The following NRXN1 variants were observed in gnomAD, a reference collection of about 807,000 sequenced individuals.
The protein encoded by NRXN1 is neurexin-1.
In NRXN1, 39 loss-of-function variants were observed where a neutral mutation model predicts 150.9. The ratio of observed to expected loss-of-function variants is 0.26; its 90% CI spans 0.20 to 0.34. NRXN1 has a LOEUF of 0.34. Ranked by LOEUF, NRXN1 falls within the 10% of genes least tolerant of loss-of-function variation. The pLI, the probability that NRXN1 is intolerant of heterozygous loss-of-function variation, is 1.00. For missense variants in NRXN1, 1,815 were observed against 1,949.9 expected, an observed-to-expected ratio of 0.93 and a Z score of 1.30; for synonymous variants, 924 against 757.0, an observed-to-expected ratio of 1.22 and a Z score of -3.62.
At chr2:49,982,131 G>A (rs960845031) in intron 21 of NRXN1, among the ~76,000 whole-genome samples, 8 of 152,136 alleles carry the variant, frequency 5.3e-5, no homozygotes, top group Admixed American at 5.2e-4. Context: ...GACATGCCGG[G>A]TCATCCAATT....
chr2:50,477,536 G>C (rs1398812616), intron 15 of NRXN1, among the ~76,000 whole-genome samples: 1 of 152,124 alleles, frequency 6.6e-6, no homozygotes, highest in African/African-American at 2.4e-5. Flanking sequence ...GGAAGCATAA[G>C]GCAATTAGAG....
chr2:50,662,826 G>A (rs1461026209), intron 5 of NRXN1, among the ~76,000 whole-genome samples: 1 of 151,958 alleles, frequency 6.6e-6, no homozygotes. Context: ...GGAATAAGAT[G>A]AGGACACTAG....
intron 5 of NRXN1, among the ~76,000 whole-genome samples, chr2:50,652,433 T>C (rs1188129446): frequency 1.3e-5 from 2 of 152,080 alleles, no homozygotes; most frequent in African/African-American, 2.4e-5. Flanking sequence ...ACTAATCTTT[T>C]TGTCTGTATA....
Position 50,409,015 on chromosome 2 carries a change from G to C in NRXN1, c.3364+56427C>G, listed in dbSNP as rs143937576. Among the ~76,000 whole-genome samples the C allele has an allele frequency of 1.9e-3, 282 of 152,258 alleles. 2 individuals carry two copies. The highest frequency in any genetic ancestry group is 6.4e-3 in the African/African-American group (268 of 41,556). Reference sequence around the variant, plus strand: ...TGGTAACTTTTTGGAGTGGCATTCTGGTTGATCCTTTTTCAAGGGGAGGGG... The same window carrying C: ...TGGTAACTTTTTGGAGTGGCATTCTCGTTGATCCTTTTTCAAGGGGAGGGG... On this transcript the variant is annotated intron_variant, in intron 17 of 22. Transcript: ENST00000401669.
chr2:50,725,029 C>T (rs537627068), intron 5 of NRXN1, among the ~76,000 whole-genome samples: 1 of 152,166 alleles, frequency 6.6e-6, no homozygotes, highest in South Asian at 2.1e-4. Context: ...AGCTTGCTTC[C>T]TGATTATCAG....
chr2:49,943,590 C>T (rs974742281), intron 22 of NRXN1, 114 bp downstream of exon 22: 32 of 727,856 alleles, frequency 4.4e-5, no homozygotes, highest in African/African-American at 3.7e-4. Context: ...TCACAATCAA[C>T]GATGGTATAG....
intron 18 of NRXN1, among the ~76,000 whole-genome samples, chr2:50,188,751 C>A (rs1175266410): frequency 1.3e-5 from 2 of 151,882 alleles, no homozygotes; most frequent in African/African-American, 2.4e-5. Context: ...ATGTGGCCAA[C>A]AAACATATTT....
chr2:50,400,397 G>A (rs1327585220), intron 17 of NRXN1, among the ~76,000 whole-genome samples: 1 of 151,952 alleles, frequency 6.6e-6, no homozygotes, highest in Admixed American at 6.6e-5. Flanking sequence ...AGTGCTATTG[G>A]GGGGTAGGGG....
At chr2:50,415,052 T>A (rs556088895) in intron 17 of NRXN1, among the ~76,000 whole-genome samples, 1 of 152,234 alleles carries the variant, frequency 6.6e-6, no homozygotes, top group Admixed American at 6.5e-5. Flanking sequence ...ACATTAAACA[T>A]AGTTCTACAT....
At chr2:50,825,434 G>C (rs542657393) in intron 5 of NRXN1, among the ~76,000 whole-genome samples, 1 of 152,264 alleles carries the variant, frequency 6.6e-6, no homozygotes, top group South Asian at 2.1e-4. Flanking sequence ...GGTGAGAAAG[G>C]CTGAAAGCTA....
chr2:50,135,303 G>C (rs1287535841), intron 18 of NRXN1, among the ~76,000 whole-genome samples: 2 of 152,154 alleles, frequency 1.3e-5, no homozygotes, highest in Non-Finnish European at 2.9e-5. Flanking sequence ...ACAGTAAAAA[G>C]GTGGAGGAGA....
At chr2:50,564,555 T>C (rs1249166073) in intron 8 of NRXN1, among the ~76,000 whole-genome samples, 1 of 152,196 alleles carries the variant, frequency 6.6e-6, no homozygotes, top group African/African-American at 2.4e-5. Flanking sequence ...GGCATATAAA[T>C]GACAGAATGA....
In NRXN1 at chr2:50,424,229, A is replaced by G. The variant is rs2084276214; in HGVS notation, c.3364+41213T>C. Among the ~76,000 whole-genome samples the G allele has an allele frequency of 2.8e-5, 3 of 107,428 alleles. No homozygotes were observed. In the South Asian group the frequency reaches 1.3e-3, roughly 46 times the overall value. The allele number at this position is 107,428 out of a possible 152,430, so 70.5% of individuals were successfully genotyped here. A position where few individuals can be genotyped will look rare whatever the true frequency, so the allele number is the denominator to read the frequency against. On this transcript the variant is annotated intron_variant, in intron 17 of 22. Coordinates refer to ENST00000401669, the MANE Select transcript of NRXN1 (RefSeq NM_001330078.2). ...GAAGAGGAGGAGAAGGAGAAGAAGA[A>G]GAAGAAGAGGAGGAGGAAGAAAGTG... is the stretch of plus-strand genomic sequence containing the variant.
At chr2:50,352,911 T>A (rs1027995991) in intron 17 of NRXN1, among the ~76,000 whole-genome samples, 1 of 151,936 alleles carries the variant, frequency 6.6e-6, no homozygotes, top group African/African-American at 2.4e-5. Flanking sequence ...AGTGTTTATT[T>A]ATCTTGAGGA....
At chr2:50,974,183 T>G (rs1399371968) in intron 2 of NRXN1, among the ~76,000 whole-genome samples, 2 of 152,128 alleles carry the variant, frequency 1.3e-5, no homozygotes, top group African/African-American at 4.8e-5. Context: ...GTGAATACAG[T>G]TTTACTATTT....
chr2:50,522,720 ATTTT>A (rs869200431), intron 12 of NRXN1, among the ~76,000 whole-genome samples: 2 of 47,722 alleles, frequency 4.2e-5, no homozygotes, highest in Non-Finnish European at 5.3e-5. Context: ...ATTTTTATTC[ATTTT>A]TTTTTTTTTT....
rs1254451543 is a variant in NRXN1 at position 50,802,500 on chromosome 2, T to TGAAAGGAAGGAAGGAAGGAAGGAAGGAA, written c.832+119368_832+119369insTTCCTTCCTTCCTTCCTTCCTTCCTTTC. On this transcript the variant is annotated intron_variant, in intron 5 of 22. Coordinates refer to ENST00000401669, the MANE Select transcript of NRXN1 (RefSeq NM_001330078.2). ...AGAGTGAATCTCTGAGAAAGAGAAA[T>TGAAAGGAAGGAAGGAAGGAAGGAAGGAA]GGAAGGAAGGAAGGAAGGAAGGAAG... Among the ~76,000 whole-genome samples, 9 of 88,330 alleles carry TGAAAGGAAGGAAGGAAGGAAGGAAGGAA rather than the reference T, an allele frequency of 1.0e-4. 2 individuals are homozygous for TGAAAGGAAGGAAGGAAGGAAGGAAGGAA. The highest frequency in any genetic ancestry group is 4.4e-4 in the South Asian group (1 of 2,252). The allele number at this position is 88,330 out of a possible 152,430, so 57.9% of individuals were successfully genotyped here. A position where few individuals can be genotyped will look rare whatever the true frequency, so the allele number is the denominator to read the frequency against.
Position 50,010,235 on chromosome 2 carries a change from T to C in NRXN1, c.4128+43036A>G, listed in dbSNP as rs377628031. Among the ~76,000 whole-genome samples the C allele has an allele frequency of 5.0e-4, 76 of 152,224 alleles. 1 individual carries two copies. The highest frequency in any genetic ancestry group is 1.8e-3 in the African/African-American group (74 of 41,550). On this transcript the variant is annotated intron_variant, in intron 21 of 22. Transcript: ENST00000401669. ...CAATAAGAAGTCAAGCATTCATCTC[T>C]ACATTTAGATGCTCTGTACTTACTG...
At chr2:50,493,014 C>G (rs539040827) in intron 15 of NRXN1, among the ~76,000 whole-genome samples, 1 of 152,270 alleles carries the variant, frequency 6.6e-6, no homozygotes, top group East Asian at 1.9e-4. Flanking sequence ...GCAAACACCA[C>G]AACATGATTC....
Sources: allele counts gnomAD v4.1 joint callset (sites outside exome capture counted in the v4.1 genomes callset), GRCh38; gene constraint gnomAD v4.1.1; transcripts MANE v1.5; gene names NCBI Gene and HGNC (gene_info 2026-07-23, HGNC 2026-07-21).